Variants in GPR39 observed in about 807,000 individuals in gnomAD.
GPR39 encodes the protein zinc sensing receptor.
A neutral mutation model predicts 18.4 loss-of-function variants in GPR39; 23 were observed. The ratio of observed to expected loss-of-function variants is 1.25; its 90% CI spans 0.90 to 1.77. GPR39 has a LOEUF of 1.77. GPR39 is among the 40% of genes most tolerant of loss of function. The probability of loss-of-function intolerance (pLI) is 0.00; values close to 1 mark genes in which losing one functional copy is unlikely to be tolerated. For missense variants in GPR39, 647 were observed against 602.4 expected (o/e 1.07, Z -0.78); for synonymous variants, 280 against 257.9 (o/e 1.09, Z -0.82).
chr2:132,508,161 C>G (rs1341497924), intron 1 of GPR39, among the ~76,000 whole-genome samples: 1 of 152,084 alleles, frequency 6.6e-6, no homozygotes, highest in Non-Finnish European at 1.5e-5. Context: ...CAGATGCGGT[C>G]TGAGGGTCCA....
chr2:132,533,011 G>T (rs1017538914), intron 1 of GPR39, among the ~76,000 whole-genome samples: 2 of 152,084 alleles, frequency 1.3e-5, no homozygotes, highest in Non-Finnish European at 2.9e-5. Flanking sequence ...TCAGGCAGGA[G>T]AAGGAAATAA....
rs550348893 is a variant in GPR39, at chr2:132,526,700, G to A, written c.856+108802G>A. On this transcript the variant is annotated intron_variant, in intron 1 of 1. Transcript: ENST00000329321. ...CTTTCTCTGCTGCCTTTCCATGTCCGTGGTGTGTAGGGAAAATGTCCCATT... is the reference window on the plus strand; with the variant it reads ...CTTTCTCTGCTGCCTTTCCATGTCCATGGTGTGTAGGGAAAATGTCCCATT... Among the ~76,000 whole-genome samples the A allele has an allele frequency of 3.9e-5, 6 of 152,222 alleles. No homozygotes were observed. The East Asian group carries it at 7.8e-4, about 20-fold the overall frequency.
chr2:132,461,953 A>G (rs1424231312), intron 1 of GPR39, among the ~76,000 whole-genome samples: 4 of 152,186 alleles, frequency 2.6e-5, no homozygotes, highest in African/African-American at 9.7e-5. Context: ...CTCTTCTTCC[A>G]TCAGTGGGCC....
chr2:132,564,508 G>A (rs763591417), intron 1 of GPR39, among the ~76,000 whole-genome samples: 5 of 151,968 alleles, frequency 3.3e-5, no homozygotes, highest in Admixed American at 1.3e-4. Context: ...CTGAGTTGGC[G>A]CACTGCCCCG....
chr2:132,469,152 C>A (rs1399355063), intron 1 of GPR39, among the ~76,000 whole-genome samples: 1 of 152,212 alleles, frequency 6.6e-6, no homozygotes, highest in African/African-American at 2.4e-5. Flanking sequence ...TTGGGTGGAG[C>A]CTCCTCTTGC....
chr2:132,569,806 T>TCA (rs1288231745), intron 1 of GPR39, among the ~76,000 whole-genome samples: 83 of 151,808 alleles, frequency 5.5e-4, no homozygotes, highest in African/African-American at 1.9e-3. Flanking sequence ...TGCTATTAAC[T>TCA]TTAGAGTGAA....
At chr2:132,480,015 T>C (rs965381182) in intron 1 of GPR39, among the ~76,000 whole-genome samples, 3 of 152,088 alleles carry the variant, frequency 2.0e-5, no homozygotes, top group Non-Finnish European at 4.4e-5. Flanking sequence ...AGCCAAGAGA[T>C]GGAAGCAACC....
intron 1 of GPR39, among the ~76,000 whole-genome samples, chr2:132,534,640 T>C (rs376930396): frequency 1.5e-4 from 23 of 151,570 alleles, no homozygotes; most frequent in East Asian, 1.2e-3. Context: ...ACATATACAC[T>C]ATGGAATACT....
chr2:132,496,034 C>T lies in GPR39; in HGVS notation c.856+78136C>T, dbSNP rs183376548. Reference sequence around the variant, plus strand: ...TTCTCTTAATGAGCCATTTCAGCATCGGACTTCCAATTTTCACCCCTGCCA... The same window carrying T: ...TTCTCTTAATGAGCCATTTCAGCATTGGACTTCCAATTTTCACCCCTGCCA... On this transcript the variant is annotated intron_variant, in intron 1 of 1. Transcript: ENST00000329321. 2.5e-3 allele frequency among the ~76,000 whole-genome samples: 378 copies of T among 152,262 alleles called. 1 individual carries two copies. Among genetic ancestry groups the T allele is most frequent in the African/African-American group, 8.7e-3 (360 of 41,546 alleles).
At position 132,605,263 on chromosome 2, in the gene GPR39, A is replaced by G. The variant is rs1179639867; in HGVS notation, c.857-39838A>G. ...GATGTGGCTTCAGGGAGAAGGTGGCATCAGAAAGAGGTAAATGAAGTGGAT... is the reference window on the plus strand; with the variant it reads ...GATGTGGCTTCAGGGAGAAGGTGGCGTCAGAAAGAGGTAAATGAAGTGGAT... On this transcript the variant is annotated intron_variant, in intron 1 of 1. Transcript: ENST00000329321. 2.6e-5 allele frequency among the ~76,000 whole-genome samples: 4 copies of G among 151,872 alleles called. No homozygotes were observed. The East Asian group carries it at 7.7e-4, about 29-fold the overall frequency.
In GPR39 at chr2:132,526,654, G is replaced by A. The variant is rs528761495; in HGVS notation, c.856+108756G>A. ...TAATACCCCACACTGCCCATCCCCC[G>A]GAGCACCTGCATACTCTGGACTTTC... On this transcript the variant is annotated intron_variant, in intron 1 of 1. Coordinates refer to ENST00000329321, the MANE Select transcript of GPR39 (RefSeq NM_001508.3). Among the ~76,000 whole-genome samples the A allele has an allele frequency of 3.3e-5, 5 of 152,212 alleles. No individual in the cohort carries two copies. The East Asian group carries it at 5.8e-4, about 18-fold the overall frequency.
At chr2:132,632,358 A>G (rs1201662463) in intron 1 of GPR39, among the ~76,000 whole-genome samples, 1 of 152,166 alleles carries the variant, frequency 6.6e-6, no homozygotes, top group African/African-American at 2.4e-5. Context: ...TGTCACAGAG[A>G]GGCATCAGAG....
chr2:132,635,147 C>T (rs931841049), intron 1 of GPR39, among the ~76,000 whole-genome samples: 6 of 152,138 alleles, frequency 3.9e-5, no homozygotes, highest in African/African-American at 1.4e-4. Context: ...GCACTAGGCC[C>T]CAAGCTTGGA....
At chr2:132,463,051 T>G (rs1680861914) in intron 1 of GPR39, among the ~76,000 whole-genome samples, 2 of 152,188 alleles carry the variant, frequency 1.3e-5, no homozygotes, top group Admixed American at 6.5e-5. Context: ...ATCCATTCAG[T>G]CAACAAATAT....
chr2:132,485,747 C>A (rs926732770), intron 1 of GPR39, among the ~76,000 whole-genome samples: 1 of 151,878 alleles, frequency 6.6e-6, no homozygotes, highest in Non-Finnish European at 1.5e-5. Context: ...ACTATTTCCA[C>A]CATATATGCT....
chr2:132,554,562 A>G (rs956488959), intron 1 of GPR39, among the ~76,000 whole-genome samples: 4 of 152,192 alleles, frequency 2.6e-5, no homozygotes, highest in Admixed American at 6.5e-5. Context: ...GAAGGCCATC[A>G]CTGATGTGCA....
chr2:132,448,700 C>A (rs1347981552), intron 1 of GPR39, among the ~76,000 whole-genome samples: 1 of 152,232 alleles, frequency 6.6e-6, no homozygotes, highest in African/African-American at 2.4e-5. Flanking sequence ...TGTCCAATAA[C>A]ATCATGATAC....
chr2:132,508,892 G>A (rs376888621), intron 1 of GPR39, among the ~76,000 whole-genome samples: 2 of 152,284 alleles, frequency 1.3e-5, no homozygotes, highest in South Asian at 4.2e-4. Flanking sequence ...TGTTGGACTA[G>A]GAGACTCAGA....
chr2:132,417,338 T>A lies in GPR39; in HGVS notation c.296T>A (p.Leu99Gln). The change falls in exon 1 of 2, where the codon CTG becomes CAG. Residue 99 changes from leucine (L) to glutamine (Q), a missense_variant. Leu to Gln is a moderately radical substitution (Grantham distance 113, BLOSUM62 -2). Coordinates refer to ENST00000329321, the MANE Select transcript of GPR39 (RefSeq NM_001508.3). ...TTCTACAGCATCATCTGGAATCCCC[T>A]GACCACGTCCAGCTACACCCTGTCC... ...MEFYSIIWNP[L>Q]TTSSYTLSCK... 6.2e-7 allele frequency: 1 copy of A among 1,614,158 alleles called. No homozygotes were observed. The highest frequency in any genetic ancestry group is 8.5e-7 in the Non-Finnish European group (1 of 1,180,014).
Sources: gnomAD v4.1 joint callset for allele counts (sites outside exome capture counted in the v4.1 genomes callset) on GRCh38, gnomAD v4.1.1 for gene constraint, MANE v1.5 for transcripts, NCBI Gene and HGNC (gene_info 2026-07-23, HGNC 2026-07-21) for gene names.